OXR1: variants seen among roughly 807,000 people sequenced by gnomAD.
The protein encoded by OXR1 is oxidation resistance 1.
OXR1 carries 41 observed loss-of-function variants against 104.6 expected under a neutral mutation model. The ratio of observed to expected loss-of-function variants is 0.39; its 90% CI spans 0.31 to 0.51. The LOEUF is 0.51. OXR1 is among the 20% of genes least tolerant of loss of function. The pLI, the probability that OXR1 is intolerant of heterozygous loss-of-function variation, is 0.77. For missense variants in OXR1, 955 were observed against 1,031.9 expected (o/e 0.93, Z 1.02); for synonymous variants, 348 against 348.4 (o/e 1.00, Z 0.01).
At chr8:106,310,334 T>C (rs1813647560) in intron 1 of OXR1, among the ~76,000 whole-genome samples, 1 of 152,080 alleles carries the variant, frequency 6.6e-6, no homozygotes, top group Non-Finnish European at 1.5e-5. Flanking sequence ...GCTTTGGTTT[T>C]AGTTTTGCTT....
intron 2 of OXR1, among the ~76,000 whole-genome samples, chr8:106,501,227 G>A (rs533004066): frequency 1.3e-5 from 2 of 152,284 alleles, no homozygotes; most frequent in South Asian, 4.1e-4. Context: ...GGACTCAAGG[G>A]ATCCTCCTGT....
intron 2 of OXR1, among the ~76,000 whole-genome samples, chr8:106,443,627 T>C (rs1819885246): frequency 6.6e-6 from 1 of 152,140 alleles, no homozygotes; most frequent in Admixed American, 6.6e-5. Flanking sequence ...ATAATTAGCT[T>C]TTCTTGTTGA....
At chr8:106,547,515 A>G (rs1238541299) in intron 3 of OXR1, among the ~76,000 whole-genome samples, 1 of 122,078 alleles carries the variant, frequency 8.2e-6, no homozygotes, top group Admixed American at 9.5e-5. Context: ...TTTTTTTGAG[A>G]CAGAGTGAAA....
chr8:106,679,280 T>C lies in OXR1; in HGVS notation c.291T>C (p.Thr97=). 1 of 1,575,382 alleles carries C rather than the reference T, an allele frequency of 6.3e-7. No homozygotes were observed. Among genetic ancestry groups the C allele is most frequent in the Non-Finnish European group, 8.7e-7 (1 of 1,147,098 alleles). Residue 97 remains threonine, a synonymous_variant, in exon 4 of 17, where the codon ACT becomes ACC. Coordinates refer to ENST00000517566, the MANE Select transcript of OXR1 (RefSeq NM_001198533.2). The part of the protein sequence containing the change: ...RRMSFQKPKG[T]IEYTVESRDS... ...TGTCTTTTCAGAAACCTAAAGGGAC[T>C]ATTGAGTATACTGTAAGTTATTTGC...
chr8:106,312,626 C>T (rs1332372545), intron 1 of OXR1, among the ~76,000 whole-genome samples: 1 of 152,206 alleles, frequency 6.6e-6, no homozygotes, highest in African/African-American at 2.4e-5. Context: ...TTAAGTTACT[C>T]TCAGATCCAA....
intron 1 of OXR1, among the ~76,000 whole-genome samples, chr8:106,339,523 TATA>T (rs1815140743): frequency 5.7e-5 from 1 of 17,560 alleles, no homozygotes. Context: ...AAAAAAAATA[TATA>T]TATATATATA....
chr8:106,335,536 A>G (rs574510237), intron 1 of OXR1, among the ~76,000 whole-genome samples: 2 of 152,076 alleles, frequency 1.3e-5, no homozygotes, highest in Non-Finnish European at 2.9e-5. Context: ...AGGACATGGC[A>G]TCTTGAATCT....
intron 2 of OXR1, among the ~76,000 whole-genome samples, chr8:106,513,483 T>TGTC (rs1812671231): frequency 6.6e-6 from 1 of 152,120 alleles, no homozygotes; most frequent in Admixed American, 6.6e-5. Flanking sequence ...ATTTGGGGAT[T>TGTC]GTCGTGAAAG....
intron 3 of OXR1, among the ~76,000 whole-genome samples, chr8:106,536,639 TGTGG>T: frequency 6.6e-6 from 1 of 152,304 alleles, no homozygotes; most frequent in Non-Finnish European, 1.5e-5. Context: ...TTTTAATTTT[TGTGG>T]GTACATTGTA....
At chr8:106,696,519 G>T (rs1830048290) in intron 7 of OXR1, among the ~76,000 whole-genome samples, 2 of 152,090 alleles carry the variant, frequency 1.3e-5, no homozygotes, top group Non-Finnish European at 2.9e-5. Context: ...TAAGACCATT[G>T]TTAGCTTAGT....
intron 3 of OXR1, among the ~76,000 whole-genome samples, chr8:106,676,553 G>A (rs987388622): frequency 2.0e-5 from 3 of 151,948 alleles, no homozygotes; most frequent in Non-Finnish European, 2.9e-5. Context: ...CCCTTATATA[G>A]CTTAGTTTGG....
intron 3 of OXR1, among the ~76,000 whole-genome samples, chr8:106,544,968 G>T (rs770570292): frequency 2.0e-5 from 3 of 152,128 alleles, no homozygotes; most frequent in Admixed American, 6.6e-5. Flanking sequence ...ACATCTTCTG[G>T]AAGTTTGACA....
chr8:106,622,453 G>GCGCA (rs376879669), intron 3 of OXR1, among the ~76,000 whole-genome samples: 1 of 136,276 alleles, frequency 7.3e-6, no homozygotes, highest in Non-Finnish European at 1.6e-5. Flanking sequence ...ATCACCCCCA[G>GCGCA]CACACACACA....
chr8:106,481,093 A>G (rs980672906), intron 2 of OXR1, among the ~76,000 whole-genome samples: 5 of 152,054 alleles, frequency 3.3e-5, no homozygotes, highest in African/African-American at 1.2e-4. Context: ...GAGGTGGATA[A>G]CAGTAGCCTC....
chr8:106,710,569 C>G (rs1831588509), intron 9 of OXR1, 53 bp from the exon 10 acceptor site: 1 of 1,255,326 alleles, frequency 8.0e-7, no homozygotes, highest in South Asian at 2.0e-5. Flanking sequence ...AACTAAACTA[C>G]CTAAACTTGG....
chr8:106,603,708 A>G (rs1820141963), intron 3 of OXR1, among the ~76,000 whole-genome samples: 1 of 152,164 alleles, frequency 6.6e-6, no homozygotes, highest in South Asian at 2.1e-4. Flanking sequence ...AAATTTTAAT[A>G]AAGAGTACTT....
chr8:106,696,333 A>G (rs1368418940), intron 7 of OXR1, among the ~76,000 whole-genome samples: 1 of 152,222 alleles, frequency 6.6e-6, no homozygotes, highest in African/African-American at 2.4e-5. Context: ...ATTACTGAAT[A>G]TTCCACTGAG....
chr8:106,287,274 G>T (rs1340749746), intron 1 of OXR1, among the ~76,000 whole-genome samples: 3 of 152,098 alleles, frequency 2.0e-5, no homozygotes, highest in Non-Finnish European at 4.4e-5. Context: ...GGAGGTCAGG[G>T]GTATTGGAGG....
chr8:106,483,897 G>T (rs1822287077), intron 2 of OXR1, among the ~76,000 whole-genome samples: 1 of 152,008 alleles, frequency 6.6e-6, no homozygotes, highest in South Asian at 2.1e-4. Context: ...CAAATAAAAT[G>T]ATTGAATGTA....
Sources: allele counts gnomAD v4.1 joint callset (sites outside exome capture counted in the v4.1 genomes callset), GRCh38; gene constraint gnomAD v4.1.1; transcripts MANE v1.5; gene names NCBI Gene and HGNC (gene_info 2026-07-23, HGNC 2026-07-21).